DYM: variants seen among roughly 807,000 people sequenced by gnomAD.
The protein encoded by DYM is dyggve-Melchior-Clausen syndrome protein.
A neutral mutation model predicts 93.1 loss-of-function variants in DYM; 78 were observed. That is an observed-to-expected ratio of 0.84 (90% CI 0.70 to 1.01). The LOEUF is 1.01. Among genes scored for constraint, DYM ranks in the 50% least tolerant of loss-of-function variants. The probability of loss-of-function intolerance (pLI) is 0.00; values close to 1 mark genes in which losing one functional copy is unlikely to be tolerated. For synonymous variants in DYM, 321 were observed against 319.7 expected, an observed-to-expected ratio of 1.00 and a Z score of -0.04; for missense variants, 789 against 845.0, an observed-to-expected ratio of 0.93 and a Z score of 0.82.
intron 13 of DYM, among the ~76,000 whole-genome samples, chr18:49,212,281 AG>A (rs1052570108): frequency 1.3e-5 from 2 of 152,204 alleles, no homozygotes; most frequent in African/African-American, 4.8e-5. Flanking sequence ...TACTTAAAAT[AG>A]TTTTTATCAA....
At chr18:49,177,619 A>G (rs922831171) in intron 14 of DYM, among the ~76,000 whole-genome samples, 1 of 152,116 alleles carries the variant, frequency 6.6e-6, no homozygotes, top group Admixed American at 6.5e-5. Flanking sequence ...AAAAAATCTT[A>G]TGTCTGTAAA....
chr18:49,055,058 C>T (rs2075357558), intron 17 of DYM, among the ~76,000 whole-genome samples: 1 of 152,266 alleles, frequency 6.6e-6, no homozygotes, highest in Middle Eastern at 3.4e-3. Context: ...TTTTCAATTT[C>T]TCTCTCTTTT....
chr18:49,375,737 T>G (rs977430724), intron 5 of DYM: 2 of 152,150 alleles, frequency 1.3e-5, no homozygotes, highest in African/African-American at 4.8e-5. Context: ...GTGAGGGTGT[T>G]GCCAAAGGAG....
At chr18:49,437,272 A>G (rs1214249451) in intron 1 of DYM, among the ~76,000 whole-genome samples, 2 of 152,196 alleles carry the variant, frequency 1.3e-5, no homozygotes, top group African/African-American at 4.8e-5. Flanking sequence ...TAAACAAACC[A>G]TAGCATATGA....
At chr18:49,053,339 A>G (rs991333716) in intron 17 of DYM, among the ~76,000 whole-genome samples, 2 of 152,236 alleles carry the variant, frequency 1.3e-5, no homozygotes, top group South Asian at 2.1e-4. Context: ...TATTACCACG[A>G]AAGTTGAATG....
chr18:49,190,880 C>A (rs1327559824), intron 14 of DYM, among the ~76,000 whole-genome samples: 1 of 152,164 alleles, frequency 6.6e-6, no homozygotes, highest in African/African-American at 2.4e-5. Flanking sequence ...TTCTTAATAG[C>A]ATTTTCTTTT....
intron 11 of DYM, among the ~76,000 whole-genome samples, chr18:49,260,147 C>G (rs1341038030): frequency 6.6e-6 from 1 of 152,192 alleles, no homozygotes; most frequent in Non-Finnish European, 1.5e-5. Context: ...TGGCTGATGT[C>G]TGTATTCCCA....
chr18:49,070,949 T>A (rs140717538), intron 17 of DYM, among the ~76,000 whole-genome samples: 103 of 152,256 alleles, frequency 6.8e-4, no homozygotes, highest in African/African-American at 2.0e-3. Context: ...CTCTCAATAT[T>A]GGGTTTGGTG....
intron 14 of DYM, among the ~76,000 whole-genome samples, chr18:49,203,836 C>A: frequency 1.1e-5 from 1 of 90,736 alleles, no homozygotes; most frequent in South Asian, 3.9e-4. Context: ...GAGAAACACC[C>A]AAGAATTATC....
At chr18:49,357,223 C>A (rs770498311) in intron 6 of DYM, among the ~76,000 whole-genome samples, 2 of 152,312 alleles carry the variant, frequency 1.3e-5, no homozygotes, top group East Asian at 1.9e-4. Flanking sequence ...TTTTGTCTAT[C>A]TACCTCTAAG....
chr18:49,320,589 C>G (rs1300291980), intron 8 of DYM, among the ~76,000 whole-genome samples: 3 of 152,136 alleles, frequency 2.0e-5, no homozygotes, highest in Admixed American at 2.0e-4. Context: ...ATCCTCTCAT[C>G]TCAGCCTACA....
intron 8 of DYM, among the ~76,000 whole-genome samples, chr18:49,330,253 A>G (rs557505476): frequency 2.0e-5 from 3 of 152,342 alleles, no homozygotes; most frequent in African/African-American, 7.2e-5. Context: ...AAAACCATAA[A>G]TCTATTTTAA....
intron 17 of DYM, among the ~76,000 whole-genome samples, chr18:49,071,714 G>T (rs1237270797): frequency 2.0e-5 from 3 of 152,132 alleles, no homozygotes; most frequent in East Asian, 3.8e-4. Context: ...ATGTGAAGCC[G>T]CTCCAAAGGG....
chr18:49,262,663 T>A (rs1340787548), intron 11 of DYM, among the ~76,000 whole-genome samples: 1 of 152,210 alleles, frequency 6.6e-6, no homozygotes, highest in African/African-American at 2.4e-5. Flanking sequence ...ATAGCTTTTG[T>A]TGTAAGCCAC....
chr18:49,037,208 T>C lies in DYM; in HGVS notation c.*6847A>G, dbSNP rs2070737793. Among the ~76,000 whole-genome samples, 1 of 152,222 alleles carries C rather than the reference T, an allele frequency of 6.6e-6. No homozygotes were observed. The highest frequency in any genetic ancestry group is 6.5e-5 in the Admixed American group (1 of 15,272). ...AGCCAATGAGTCCTCTTAATCCTTTTAAATAACCAACTTTTGACTTTGATT... is the reference window on the plus strand; with the variant it reads ...AGCCAATGAGTCCTCTTAATCCTTTCAAATAACCAACTTTTGACTTTGATT... On this transcript the variant is annotated 3_prime_UTR_variant, in exon 18 of 18. Transcript: ENST00000675505.
rs187265444 is a variant in DYM at position 49,127,703 on chromosome 18, T to C, written c.1729-8777A>G. 2.0e-5 allele frequency among the ~76,000 whole-genome samples: 3 copies of C among 152,372 alleles called. No homozygotes were observed. In the East Asian group the frequency reaches 5.8e-4, roughly 29 times the overall value. ...GTGACAGACTCTTGTTATCTTTACG[T>C]TGCTAATTCACTGGTGCACACACTG... On this transcript the variant is annotated intron_variant, in intron 15 of 17. Transcript: ENST00000675505.
intron 8 of DYM, among the ~76,000 whole-genome samples, chr18:49,315,033 G>A (rs1486139680): frequency 3.3e-5 from 5 of 152,054 alleles, no homozygotes. Context: ...TGGGCAACAT[G>A]GCAAAACCCA....
At chr18:49,084,462 G>C (rs538129788) in intron 17 of DYM, among the ~76,000 whole-genome samples, 12 of 152,236 alleles carry the variant, frequency 7.9e-5, no homozygotes, top group African/African-American at 2.6e-4. Flanking sequence ...ATAGATGTTA[G>C]TTAGATCATG....
chr18:49,109,870 C>A (rs1268248090), intron 16 of DYM, among the ~76,000 whole-genome samples: 1 of 151,694 alleles, frequency 6.6e-6, no homozygotes, highest in Non-Finnish European at 1.5e-5. Context: ...AAGATGAAAT[C>A]TGTGGAAAAT....
Sources: gnomAD v4.1 joint callset for allele counts (sites outside exome capture counted in the v4.1 genomes callset) on GRCh38, gnomAD v4.1.1 for gene constraint, MANE v1.5 for transcripts, NCBI Gene and HGNC (gene_info 2026-07-23, HGNC 2026-07-21) for gene names.